The following FLT1 variants were observed in gnomAD, a reference collection of about 807,000 sequenced individuals.
FLT1 encodes fms related receptor tyrosine kinase 1, also known as vascular endothelial growth factor receptor 1.
A neutral mutation model predicts 156.3 loss-of-function variants in FLT1; 49 were observed. The observed-to-expected ratio is 0.31, with a 90% CI of 0.25 to 0.40. The LOEUF (loss-of-function observed/expected upper bound fraction) is 0.40, where lower values mean the gene tolerates loss of function less well. Ranked by LOEUF, FLT1 falls within the 10% of genes least tolerant of loss-of-function variation. FLT1 has a pLI of 1.00. For missense variants in FLT1, 1,322 were observed against 1,637.2 expected, an observed-to-expected ratio of 0.81 and a Z score of 3.32; for synonymous variants, 594 against 583.8, an observed-to-expected ratio of 1.02 and a Z score of -0.25.
chr13:28,386,818 G>C, intron 13 of FLT1: 1 of 1,051,628 alleles, frequency 9.5e-7, no homozygotes, highest in Non-Finnish European at 1.1e-6. Context: ...TTTTACAGTG[G>C]CAAGCCAATT....
At chr13:28,405,526 A>G (rs1413354128) in intron 11 of FLT1, among the ~76,000 whole-genome samples, 2 of 152,158 alleles carry the variant, frequency 1.3e-5, no homozygotes, top group African/African-American at 4.8e-5. Context: ...TGAACCACCA[A>G]TGTGGACCAG....
chr13:28,350,369 C>T (rs1872701577), intron 15 of FLT1, among the ~76,000 whole-genome samples: 1 of 152,146 alleles, frequency 6.6e-6, no homozygotes, highest in Non-Finnish European at 1.5e-5. Context: ...AAGTACTCTC[C>T]CAGGCTTTAT....
chr13:28,364,294 C>G (rs1873211433), intron 14 of FLT1, among the ~76,000 whole-genome samples: 1 of 152,170 alleles, frequency 6.6e-6, no homozygotes, highest in Admixed American at 6.5e-5. Context: ...CTCACTGCAG[C>G]CTTGAACTCT....
Position 28,302,144 on chromosome 13 carries a change from C to T in FLT1, c.*1023G>A, listed in dbSNP as rs1870540707. 4.3e-6 allele frequency: 1 copy of T among 233,096 alleles called. No individual in the cohort carries two copies. The highest frequency in any genetic ancestry group is 8.5e-6 in the Non-Finnish European group (1 of 118,050). 14.4% of individuals were successfully genotyped at this position (233,096 alleles called of 1,614,324 possible). A position where few individuals can be genotyped will look rare whatever the true frequency, so the allele number is the denominator to read the frequency against. Reference sequence around the variant, plus strand: ...TTTTGATATGGAGAAAACTCCTCTCCTCAGGACTGCATTTTCATTCTTCTC... The same window carrying T: ...TTTTGATATGGAGAAAACTCCTCTCTTCAGGACTGCATTTTCATTCTTCTC... On this transcript the variant is annotated 3_prime_UTR_variant, in exon 30 of 30. Coordinates refer to ENST00000282397, the MANE Select transcript of FLT1 (RefSeq NM_002019.4).
At chr13:28,370,107 G>T (rs1353798316) in intron 14 of FLT1, among the ~76,000 whole-genome samples, 1 of 151,832 alleles carries the variant, frequency 6.6e-6, no homozygotes, top group Non-Finnish European at 1.5e-5. Flanking sequence ...GGAGGTGGGA[G>T]AGTTGGGAGG....
At chr13:28,423,752 C>T (rs1348770579) in intron 10 of FLT1, among the ~76,000 whole-genome samples, 1 of 152,148 alleles carries the variant, frequency 6.6e-6, no homozygotes, top group Non-Finnish European at 1.5e-5. Context: ...GCACTATATG[C>T]TTAACATCCT....
At chr13:28,362,019 C>T (rs1245111692) in intron 14 of FLT1, among the ~76,000 whole-genome samples, 1 of 152,136 alleles carries the variant, frequency 6.6e-6, no homozygotes. Flanking sequence ...AGTTGTAATT[C>T]AGGCAAGGAA....
At chr13:28,407,307 C>T (rs1268637323) in intron 10 of FLT1, among the ~76,000 whole-genome samples, 1 of 152,126 alleles carries the variant, frequency 6.6e-6, no homozygotes, top group African/African-American at 2.4e-5. Context: ...GATACACCCC[C>T]ATATACCCGC....
intron 3 of FLT1, among the ~76,000 whole-genome samples, chr13:28,441,642 C>T (rs575162653): frequency 8.5e-5 from 13 of 152,064 alleles, no homozygotes; most frequent in Non-Finnish European, 1.2e-4. Flanking sequence ...TGGAAACAAA[C>T]ATACTAAAAT....
At position 28,302,759 on chromosome 13, in the gene FLT1, C is replaced by T. The variant is rs1309154054; in HGVS notation, c.*408G>A. 3 of 257,818 alleles carry T rather than the reference C, an allele frequency of 1.2e-5. No individual in the cohort carries two copies. Among genetic ancestry groups the T allele is most frequent in the Admixed American group, 5.0e-5 (1 of 19,934 alleles). The allele number at this position is 257,818 out of a possible 1,614,324, so 16.0% of individuals were successfully genotyped here. A position where few individuals can be genotyped will look rare whatever the true frequency, so the allele number is the denominator to read the frequency against. ...ATGTTGCTCAGGCCAGCCAGTGATC[C>T]CTGGGGCTAACGGGCTTGTTGCCCT... On this transcript the variant is annotated 3_prime_UTR_variant, in exon 30 of 30. Coordinates refer to ENST00000282397, the MANE Select transcript of FLT1 (RefSeq NM_002019.4).
chr13:28,317,693 A>G (rs1314668847), intron 24 of FLT1, 96 bp from the exon 25 acceptor site: 3 of 794,862 alleles, frequency 3.8e-6, no homozygotes, highest in Non-Finnish European at 6.7e-6. Context: ...CTCCCTTTAA[A>G]GCTACGTTTT....
chr13:28,495,036 GC>G lies in FLT1; in HGVS notation c.-194del. On this transcript the variant is annotated 5_prime_UTR_variant, in exon 1 of 30. Transcript: ENST00000282397. The surrounding 1 kb of genome is among the most constrained non-coding windows in gnomAD (Gnocchi z 4.1). ...GGCGCCCGCTGGCCGCTGCACCCGA[GC>G]CCCGGAGCCCGCTCCGAGCCGCCGC... 2.1e-6 allele frequency: 1 copy of G among 485,448 alleles called. No individual in the cohort carries two copies. Among genetic ancestry groups the G allele is most frequent in the South Asian group, 3.6e-5 (1 of 28,136 alleles). 30.1% of individuals were successfully genotyped at this position (485,448 alleles called of 1,614,324 possible).
intron 3 of FLT1, among the ~76,000 whole-genome samples, chr13:28,466,241 A>G (rs1879840778): frequency 6.6e-6 from 1 of 152,168 alleles, no homozygotes; most frequent in African/African-American, 2.4e-5. Flanking sequence ...TCATTTGTTC[A>G]TTCTCTAAGG....
intron 1 of FLT1, among the ~76,000 whole-genome samples, chr13:28,471,106 T>A (rs1205536995): frequency 6.6e-6 from 1 of 151,240 alleles, no homozygotes; most frequent in Non-Finnish European, 1.5e-5. Context: ...TAAAAGACAC[T>A]GACAAAAATG....
intron 14 of FLT1, among the ~76,000 whole-genome samples, chr13:28,381,717 C>T (rs1423843325): frequency 6.6e-6 from 1 of 152,180 alleles, no homozygotes; most frequent in African/African-American, 2.4e-5. Flanking sequence ...GGTAGTGTGT[C>T]ATCTTAGGCA....
intron 14 of FLT1, among the ~76,000 whole-genome samples, chr13:28,365,695 A>T (rs1873267112): frequency 6.6e-6 from 1 of 152,280 alleles, no homozygotes; most frequent in East Asian, 1.9e-4. Context: ...TGTTTCTGAG[A>T]TAGTTTAATT....
intron 11 of FLT1, among the ~76,000 whole-genome samples, chr13:28,397,432 C>G (rs1875114141): frequency 6.6e-6 from 1 of 152,196 alleles, no homozygotes; most frequent in Non-Finnish European, 1.5e-5. Context: ...GAGGCTGAGG[C>G]CTTCCCTTTT....
At chr13:28,430,539 A>T (rs1459819172) in intron 7 of FLT1, among the ~76,000 whole-genome samples, 1 of 152,206 alleles carries the variant, frequency 6.6e-6, no homozygotes, top group East Asian at 1.9e-4. Flanking sequence ...AACCAATTTG[A>T]TATCAAAAAT....
intron 15 of FLT1, among the ~76,000 whole-genome samples, chr13:28,356,701 AAATACTTGCATATTCTGAAGTCG>A (rs1872911272): frequency 1.3e-5 from 2 of 152,332 alleles, no homozygotes; most frequent in South Asian, 4.1e-4. Flanking sequence ...CCTCCCCGCA[AAATACTTGCATATTCTGAAGTCG>A]ACTGGTTAGC....
Sources: gnomAD v4.1 joint callset for allele counts (sites outside exome capture counted in the v4.1 genomes callset) on GRCh38, gnomAD v4.1.1 for gene constraint, Gnocchi (gnomAD v3.1) non-coding constraint, MANE v1.5 for transcripts, NCBI Gene and HGNC (gene_info 2026-07-23, HGNC 2026-07-21) for gene names.